PCDHGA3: variants seen among roughly 807,000 people sequenced by gnomAD.
PCDHGA3 encodes the protein protocadherin gamma-A3.
Under a neutral mutation model 58.5 loss-of-function variants are expected in PCDHGA3, and 40 were observed. That is an observed-to-expected ratio of 0.68 (90% CI 0.53 to 0.89). The LOEUF (loss-of-function observed/expected upper bound fraction) is 0.89, where lower values mean the gene tolerates loss of function less well. Ranked by LOEUF, PCDHGA3 falls within the 40% of genes least tolerant of loss-of-function variation. The pLI is 0.00. For synonymous variants in PCDHGA3, 530 were observed against 525.7 expected (o/e 1.01, Z -0.11); for missense variants, 1,223 against 1,195.9 (o/e 1.02, Z -0.33).
intron 3 of PCDHGA3, among the ~76,000 whole-genome samples, chr5:141,510,440 C>T (rs1251795430): frequency 6.6e-6 from 1 of 152,066 alleles, no homozygotes; most frequent in Non-Finnish European, 1.5e-5. Context: ...TGCTGCCCTC[C>T]AGGAGCCCAT....
rs746514228 is a variant in PCDHGA3, at chr5:141,351,319, A to T, written c.2424+4862A>T. Reference sequence around the variant, plus strand: ...TCATGTCCTTCTCTAACCAGATTCCAGAGGATTCAGACCTTGGAACTGTAA... The same window carrying T: ...TCATGTCCTTCTCTAACCAGATTCCTGAGGATTCAGACCTTGGAACTGTAA... On this transcript the variant is annotated intron_variant, in intron 1 of 3. Coordinates refer to ENST00000253812, the MANE Select transcript of PCDHGA3 (RefSeq NM_018916.4). The T allele has an allele frequency of 1.9e-6, 3 of 1,613,904 alleles. No homozygotes were observed. In the East Asian group the frequency reaches 6.7e-5, roughly 36 times the overall value.
chr5:141,357,432 C>T (rs1217622560), intron 1 of PCDHGA3: 3 of 1,614,094 alleles, frequency 1.9e-6, no homozygotes, highest in African/African-American at 1.3e-5. Flanking sequence ...TGGGCGTGGA[C>T]GGGGTTCGGG....
rs770956068 is a variant in PCDHGA3, at chr5:141,344,838, C to T, written c.805C>T (p.Pro269Ser). Residue 269 changes from proline to serine, a missense_variant, in exon 1 of 4, where the codon CCT becomes TCT. By Grantham distance (74) the Pro-to-Ser change is moderately conservative (BLOSUM62 -1). This residue lies in a region of PCDHGA3 where 791 missense variants were observed against 708.5 expected (regional missense o/e 1.12). Transcript: ENST00000253812. ...GCTGCTCACGGTGAATGCCACTGAC[C>T]CTGACGAGGGATTCAATGCTCAAGT... ...TRLLTVNATD[P>S]DEGFNAQVSY... 9 of 1,613,816 alleles carry T rather than the reference C, an allele frequency of 5.6e-6. No homozygotes were observed. In the Admixed American group the frequency reaches 1.5e-4, roughly 27 times the overall value.
chr5:141,357,697 T>A, intron 1 of PCDHGA3: 6 of 1,523,702 alleles, frequency 3.9e-6, no homozygotes, highest in African/African-American at 1.4e-5. Flanking sequence ...TCATTTTATA[T>A]GTAATATATC....
chr5:141,426,431 A>G (rs916399837), intron 1 of PCDHGA3: 1 of 297,328 alleles, frequency 3.4e-6, no homozygotes, highest in Non-Finnish European at 6.7e-6. Context: ...GTGGTGGGGA[A>G]CCTTGCGGAG....
intron 1 of PCDHGA3, chr5:141,365,800 C>T: frequency 2.5e-6 from 4 of 1,613,914 alleles, no homozygotes; most frequent in South Asian, 2.2e-5. Flanking sequence ...TCACCTACTC[C>T]CTGGCTGAAG....
At chr5:141,414,099 A>G in intron 1 of PCDHGA3, 1 of 1,593,504 alleles carries the variant, frequency 6.3e-7, no homozygotes, top group Non-Finnish European at 8.5e-7. Flanking sequence ...TAAAAATATC[A>G]GAAAATCTAG....
rs2097368013 is a variant in PCDHGA3 at position 141,431,382 on chromosome 5, A to G, written c.2425-63425A>G. 6 of 1,613,756 alleles carry G rather than the reference A, an allele frequency of 3.7e-6. No homozygotes were observed. In the East Asian group the frequency reaches 1.1e-4, roughly 30 times the overall value. On this transcript the variant is annotated intron_variant, in intron 1 of 3. Transcript: ENST00000253812. This position sits in a 1 kb window ranked among gnomAD's most constrained non-coding sequence, Gnocchi z 4.8. ...CTGGACCGCGAAGAAAAGGCTGCTC[A>G]CCACCTGGTCCTTACGGCCTCCGAC... is the stretch of plus-strand genomic sequence containing the variant.
chr5:141,384,829 G>A (rs1243050988), intron 1 of PCDHGA3: 5 of 1,613,524 alleles, frequency 3.1e-6, no homozygotes, highest in Non-Finnish European at 4.2e-6. Flanking sequence ...GAGCCTCGTG[G>A]TGGCCGTCCA....
chr5:141,430,235 G>T (rs1020445956), intron 1 of PCDHGA3, among the ~76,000 whole-genome samples: 3 of 128,670 alleles, frequency 2.3e-5, no homozygotes, highest in Non-Finnish European at 4.7e-5. Context: ...GTCAAAAAGA[G>T]AAACTCCTAG....
At chr5:141,448,580 TTACAAAAAGATAAAA>T (rs1484851220) in intron 1 of PCDHGA3, among the ~76,000 whole-genome samples, 1 of 152,180 alleles carries the variant, frequency 6.6e-6, no homozygotes, top group Non-Finnish European at 1.5e-5. Context: ...CCCATTTTTT[TTACAAAAAGATAAAA>T]TACTATACAC....
intron 1 of PCDHGA3, among the ~76,000 whole-genome samples, chr5:141,386,678 G>A (rs1376452903): frequency 6.6e-6 from 1 of 152,012 alleles, no homozygotes; most frequent in African/African-American, 2.4e-5. Flanking sequence ...CATTTCAGAT[G>A]TACAATCACT....
intron 1 of PCDHGA3, chr5:141,366,527 G>T (rs374836826): frequency 2.5e-6 from 4 of 1,614,142 alleles, no homozygotes; most frequent in Non-Finnish European, 3.4e-6. Context: ...CAGCAGGTTG[G>T]CGGGTGTGCC....
intron 1 of PCDHGA3, among the ~76,000 whole-genome samples, chr5:141,462,829 G>T (rs770335372): frequency 4.6e-5 from 7 of 152,130 alleles, no homozygotes; most frequent in Non-Finnish European, 8.8e-5. Flanking sequence ...AGCAGACATT[G>T]TAAATGTTAT....
At chr5:141,430,252 A>C (rs1292590200) in intron 1 of PCDHGA3, among the ~76,000 whole-genome samples, 1 of 102,244 alleles carries the variant, frequency 9.8e-6, no homozygotes, top group Admixed American at 1.0e-4. Context: ...CTAGGGAGAC[A>C]TCTCCATAAT....
At chr5:141,375,326 G>C (rs1771348524) in intron 1 of PCDHGA3, 1 of 1,613,776 alleles carries the variant, frequency 6.2e-7, no homozygotes. Flanking sequence ...CCGGGAAGAG[G>C]TATTCTTGTA....
In PCDHGA3 at chr5:141,374,472, C is replaced by T. The variant is rs749966400; in HGVS notation, c.2424+28015C>T. The T allele has an allele frequency of 5.0e-6, 8 of 1,612,276 alleles. No individual in the cohort carries two copies. The South Asian group carries it at 7.7e-5, about 15-fold the overall frequency. ...GAAATAGTGGACATTAATGACAATA[C>T]ACCCCGATTCTTAAAGGAAGAATTG... On this transcript the variant is annotated intron_variant, in intron 1 of 3. Transcript: ENST00000253812.
intron 1 of PCDHGA3, chr5:141,423,652 A>G (rs746768292): frequency 1.9e-6 from 3 of 1,583,268 alleles, no homozygotes; most frequent in Non-Finnish European, 2.6e-6. Flanking sequence ...TGACCCGACA[A>G]GTAATCAGGT....
chr5:141,465,801 C>T (rs1380215288), intron 1 of PCDHGA3, among the ~76,000 whole-genome samples: 2 of 151,400 alleles, frequency 1.3e-5, no homozygotes, highest in Non-Finnish European at 2.9e-5. Context: ...TTAAGAAACC[C>T]TTCAGGATCT....
Sources: allele counts gnomAD v4.1 joint callset (sites outside exome capture counted in the v4.1 genomes callset), GRCh38; gene constraint gnomAD v4.1.1; regional missense constraint gnomAD v4.1.1; non-coding constraint Gnocchi (gnomAD v3.1); transcripts MANE v1.5; gene names NCBI Gene and HGNC (gene_info 2026-07-23, HGNC 2026-07-21).